PPM1H: variants seen among roughly 807,000 people sequenced by gnomAD.
The protein encoded by PPM1H is protein phosphatase 1H.
PPM1H carries 27 observed loss-of-function variants against 54.9 expected under a neutral mutation model. The ratio of observed to expected loss-of-function variants is 0.49; its 90% confidence interval spans 0.36 to 0.68. The LOEUF (loss-of-function observed/expected upper bound fraction) is 0.68. Ranked by LOEUF, PPM1H falls within the 30% of genes least tolerant of loss-of-function variation. The pLI, the probability that PPM1H is intolerant of heterozygous loss-of-function variation, is 0.00. For missense variants in PPM1H, 596 were observed against 667.8 expected, an observed-to-expected ratio of 0.89 and a Z score of 1.19; for synonymous variants, 305 against 270.8, an observed-to-expected ratio of 1.13 and a Z score of -1.24.
intron 3 of PPM1H, 31 bp from the exon 4 acceptor site, chr12:62,788,369 T>G: frequency 2.3e-6 from 3 of 1,321,808 alleles, no homozygotes; most frequent in Middle Eastern, 3.8e-4. Context: ...AGTGTTGGAT[T>G]GTGCAGGATG....
chr12:62,921,834 T>TA (rs929871585), intron 1 of PPM1H, among the ~76,000 whole-genome samples: 4 of 152,052 alleles, frequency 2.6e-5, no homozygotes, highest in Non-Finnish European at 5.9e-5. Flanking sequence ...AAAACTTAGG[T>TA]AAAAAAATCT....
intron 6 of PPM1H, among the ~76,000 whole-genome samples, chr12:62,711,277 C>T (rs2076205738): frequency 6.6e-6 from 1 of 152,200 alleles, no homozygotes; most frequent in Admixed American, 6.5e-5. Flanking sequence ...CAGGCGTGAG[C>T]CACTACACCT....
In PPM1H at chr12:62,720,269, C is replaced by T; in HGVS notation, c.975G>A (p.Leu325=). 1 of 1,612,956 alleles carries T rather than the reference C, an allele frequency of 6.2e-7. No individual in the cohort carries two copies. Among genetic ancestry groups the T allele is most frequent in the Non-Finnish European group, 8.5e-7 (1 of 1,179,034 alleles). ...CCAAATGTGTGAACTCATTTCCCAG[C>T]AAGTGAGGCTGCATGAATGCCTAAT... ...LQYLAFMQPH[L]LGNEFTHLEF... is the part of the protein sequence containing the mutation. Residue 325 remains leucine (L), a synonymous_variant, in exon 6 of 10, where the codon TTG becomes TTA. Coordinates refer to ENST00000228705, the MANE Select transcript of PPM1H (RefSeq NM_020700.2).
At chr12:62,750,908 G>A (rs929032955) in intron 4 of PPM1H, among the ~76,000 whole-genome samples, 15 of 152,144 alleles carry the variant, frequency 9.9e-5, no homozygotes, top group African/African-American at 3.4e-4. Context: ...TGCATCAGAG[G>A]ATATGTATTC....
intron 4 of PPM1H, among the ~76,000 whole-genome samples, chr12:62,743,302 G>A (rs1040035593): frequency 2.0e-5 from 3 of 152,074 alleles, no homozygotes; most frequent in Non-Finnish European, 4.4e-5. Context: ...GCAGTGAGCC[G>A]AAACTGCACC....
intron 1 of PPM1H, among the ~76,000 whole-genome samples, chr12:62,858,516 A>G (rs1869478623): frequency 6.6e-6 from 1 of 151,756 alleles, no homozygotes; most frequent in African/African-American, 2.4e-5. Context: ...CTTTTCAGAA[A>G]CCACTTGCAA....
intron 3 of PPM1H, among the ~76,000 whole-genome samples, chr12:62,796,520 G>T (rs1467431246): frequency 3.9e-5 from 6 of 152,176 alleles, no homozygotes; most frequent in Non-Finnish European, 8.8e-5. Flanking sequence ...CATTATAAAG[G>T]ATATTACAAA....
intron 3 of PPM1H, among the ~76,000 whole-genome samples, chr12:62,795,135 A>C (rs1402849975): frequency 2.0e-5 from 3 of 152,186 alleles, no homozygotes; most frequent in Admixed American, 6.5e-5. Context: ...CCGAGGACCA[A>C]AGATGAAAAG....
At chr12:62,854,118 C>T (rs1213914069) in intron 1 of PPM1H, among the ~76,000 whole-genome samples, 7 of 152,098 alleles carry the variant, frequency 4.6e-5, no homozygotes, top group Admixed American at 6.6e-5. Flanking sequence ...TGCTCACATA[C>T]GGAAACAAGA....
intron 1 of PPM1H, among the ~76,000 whole-genome samples, chr12:62,873,756 A>C (rs1870068311): frequency 6.6e-6 from 1 of 152,228 alleles, no homozygotes; most frequent in African/African-American, 2.4e-5. Context: ...GGGAATAAAT[A>C]AAAACGGTCT....
rs755541204 is a variant in PPM1H at position 62,689,730 on chromosome 12, T to G, written c.1214A>C (p.Tyr405Ser). Reference sequence around the variant, plus strand: ...AGCTGAAGACAGGAATGGTTTAATGTAGATGTTGGAGTCATGCACCTTCAG... The same window carrying G: ...AGCTGAAGACAGGAATGGTTTAATGGAGATGTTGGAGTCATGCACCTTCAG... Reference protein sequence around the residue: ...HDLKVHDSNIYIKPFLSSAPE... With the variant: ...HDLKVHDSNISIKPFLSSAPE... The change falls in exon 8 of 10, where the codon TAC becomes TCC. Residue 405 changes from tyrosine to serine, a missense_variant. Transcript: ENST00000228705. 1.2e-6 allele frequency: 2 copies of G among 1,613,648 alleles called. No homozygotes were observed. Among genetic ancestry groups the G allele is most frequent in the East Asian group, 2.2e-5 (1 of 44,878 alleles).
At chr12:62,875,100 C>G (rs1870113923) in intron 1 of PPM1H, among the ~76,000 whole-genome samples, 1 of 150,906 alleles carries the variant, frequency 6.6e-6, no homozygotes, top group African/African-American at 2.5e-5. Flanking sequence ...GTAGGACCCT[C>G]TTTTATATTT....
intron 2 of PPM1H, among the ~76,000 whole-genome samples, chr12:62,822,376 T>G (rs1417398966): frequency 6.6e-6 from 1 of 152,220 alleles, no homozygotes; most frequent in African/African-American, 2.4e-5. Flanking sequence ...ATCCAGGACT[T>G]GAACTCAGCT....
chr12:62,887,262 A>G (rs1412041230), intron 1 of PPM1H, among the ~76,000 whole-genome samples: 5 of 152,218 alleles, frequency 3.3e-5, no homozygotes, highest in Non-Finnish European at 4.4e-5. Flanking sequence ...CCAATTAACA[A>G]AAGTGCAGCT....
intron 1 of PPM1H, among the ~76,000 whole-genome samples, chr12:62,879,778 T>A (rs989255144): frequency 1.3e-4 from 19 of 151,686 alleles, no homozygotes; most frequent in Admixed American, 5.3e-4. Flanking sequence ...AATAAAAAAT[T>A]AAAAAAATAA....
chr12:62,702,544 CAGAGAGAGAGAGAGAG>C (rs66497730), intron 6 of PPM1H, among the ~76,000 whole-genome samples: 1 of 140,644 alleles, frequency 7.1e-6, no homozygotes, highest in African/African-American at 2.8e-5. Context: ...CCTTGAGCTA[CAGAGAGAGAGAGAGAG>C]AGAGAGAGAG....
chr12:62,857,673 C>T (rs1435853118), intron 1 of PPM1H, among the ~76,000 whole-genome samples: 1 of 152,028 alleles, frequency 6.6e-6, no homozygotes, highest in African/African-American at 2.4e-5. Flanking sequence ...TTATTTAAGC[C>T]CTTCATGCTG....
chr12:62,715,513 C>T (rs577508421), intron 6 of PPM1H, among the ~76,000 whole-genome samples: 39 of 152,172 alleles, frequency 2.6e-4, no homozygotes, highest in African/African-American at 7.0e-4. Context: ...TGACAATAAC[C>T]TTTTGTCCTC....
chr12:62,733,630 G>A (rs1435382018), intron 5 of PPM1H, among the ~76,000 whole-genome samples: 1 of 152,106 alleles, frequency 6.6e-6, no homozygotes, highest in Non-Finnish European at 1.5e-5. Context: ...TTCACCATAA[G>A]ATTATTTTAT....
Sources: allele counts gnomAD v4.1 joint callset (sites outside exome capture counted in the v4.1 genomes callset), GRCh38; gene constraint gnomAD v4.1.1; transcripts MANE v1.5; gene names NCBI Gene and HGNC (gene_info 2026-07-23, HGNC 2026-07-21).